Variants in CTNNA1 observed in about 807,000 individuals in gnomAD.
The protein encoded by CTNNA1 is catenin alpha 1, also known as catenin alpha-1.
Under a neutral mutation model 98.4 loss-of-function variants are expected in CTNNA1, and 37 were observed. The ratio of observed to expected loss-of-function variants is 0.38; its 90% CI spans 0.29 to 0.49. The LOEUF (loss-of-function observed/expected upper bound fraction) is 0.49, where lower values mean the gene tolerates loss of function less well. Ranked by LOEUF, CTNNA1 falls within the 20% of genes least tolerant of loss-of-function variation. CTNNA1 has a pLI of 0.95. For missense variants in CTNNA1, 761 were observed against 1,147.2 expected (o/e 0.66, Z 4.86); for synonymous variants, 404 against 413.2 (o/e 0.98, Z 0.27).
At position 138,934,196 on chromosome 5, in the gene CTNNA1, G is replaced by A; in HGVS notation, c.*107G>A. ...ACAACACTGATACTAGATTCCACAG[G>A]GAAATGGGCAGACTGAACCAGTCCA... On this transcript the variant is annotated 3_prime_UTR_variant, in exon 18 of 18. Transcript: ENST00000302763. 1 of 817,100 alleles carries A rather than the reference G, an allele frequency of 1.2e-6. No individual in the cohort carries two copies. Among genetic ancestry groups the A allele is most frequent in the South Asian group, 1.8e-5 (1 of 56,786 alleles). The allele number at this position is 817,100 out of a possible 1,614,324, so 50.6% of individuals were successfully genotyped here.
chr5:138,778,302 A>AT (rs1482323624), intron 1 of CTNNA1, among the ~76,000 whole-genome samples: 1 of 151,866 alleles, frequency 6.6e-6, no homozygotes, highest in East Asian at 1.9e-4. Context: ...CTGCTTTGAC[A>AT]TTTTTCAAGA....
intron 3 of CTNNA1, among the ~76,000 whole-genome samples, chr5:138,798,017 C>T (rs1294912035): frequency 2.6e-5 from 4 of 152,168 alleles, no homozygotes; most frequent in Admixed American, 2.6e-4. Context: ...AAGCTCCCCT[C>T]ATCCTTTACA....
At chr5:138,863,495 C>T (rs575406532) in intron 7 of CTNNA1, among the ~76,000 whole-genome samples, 5 of 152,290 alleles carry the variant, frequency 3.3e-5, no homozygotes, top group African/African-American at 1.2e-4. Context: ...GTCCTCCTGC[C>T]CCAGGCCCCC....
At position 138,796,558 on chromosome 5, in the gene CTNNA1, A is replaced by AGG. The variant is rs75515782; in HGVS notation, c.301+13186_301+13187insGG. On this transcript the variant is annotated intron_variant, in intron 3 of 17. Coordinates refer to ENST00000302763, the MANE Select transcript of CTNNA1 (RefSeq NM_001903.5). ...GACTCCGTCTCAAAAAAAAAAAAAA[A>AGG]AGTAGTAGGTATCTGAGAAGAAATA... Among the ~76,000 whole-genome samples, 6 of 144,294 alleles carry AGG rather than the reference A, an allele frequency of 4.2e-5. 1 individual carries two copies. 94.7% of individuals were successfully genotyped at this position (144,294 alleles called of 152,430 possible).
At chr5:138,889,511 AC>A (rs1754872589) in intron 9 of CTNNA1, among the ~76,000 whole-genome samples, 1 of 152,086 alleles carries the variant, frequency 6.6e-6, no homozygotes, top group Admixed American at 6.5e-5. Flanking sequence ...ACAGCCTAAT[AC>A]CCCACTGAAG....
intron 9 of CTNNA1, among the ~76,000 whole-genome samples, chr5:138,893,205 AGTGGAGGCT>A (rs1243510364): frequency 6.6e-6 from 1 of 152,090 alleles, no homozygotes; most frequent in African/African-American, 2.4e-5. Flanking sequence ...AGGGTAGAGC[AGTGGAGGCT>A]GTCATCATTC....
At chr5:138,773,377 TTC>T (rs1479673115) in intron 1 of CTNNA1, among the ~76,000 whole-genome samples, 1 of 152,238 alleles carries the variant, frequency 6.6e-6, no homozygotes, top group Non-Finnish European at 1.5e-5. Context: ...AGAACTGGTC[TTC>T]TGAGGGAAGA....
intron 13 of CTNNA1, among the ~76,000 whole-genome samples, chr5:138,925,833 G>C (rs1298475709): frequency 1.3e-5 from 2 of 152,204 alleles, no homozygotes; most frequent in Admixed American, 6.5e-5. Flanking sequence ...CAGGGTGTTG[G>C]GGGGAGGAGC....
rs1294924429 is a variant in CTNNA1, at chr5:138,934,702, T to G, written c.*613T>G. 1 of 152,754 alleles carries G rather than the reference T, an allele frequency of 6.5e-6. No homozygotes were observed. Among genetic ancestry groups the G allele is most frequent in the Admixed American group, 6.5e-5 (1 of 15,286 alleles). 9.5% of individuals were successfully genotyped at this position (152,754 alleles called of 1,614,324 possible). ...GCTGCAGGACATTAATAAAGTTGCT[T>G]TTTTAGGCTACAGTGTCTCGATGCC... On this transcript the variant is annotated 3_prime_UTR_variant, in exon 18 of 18. Transcript: ENST00000302763.
At chr5:138,762,529 A>C (rs1300739493) in intron 1 of CTNNA1, among the ~76,000 whole-genome samples, 1 of 152,072 alleles carries the variant, frequency 6.6e-6, no homozygotes, top group Non-Finnish European at 1.5e-5. Context: ...TCCATGTGGA[A>C]GTATGCCACA....
Position 138,886,282 on chromosome 5 carries a change from T to TG in CTNNA1, c.1134dup (p.Arg379AlafsTer2). ...AAAATGACCAAGAAGACCAGGGACT[T>TG]GCGTAGACAGGTAATCTGGATGAAA... On this transcript the variant is annotated frameshift_variant, in exon 8 of 18. Coordinates refer to ENST00000302763, the MANE Select transcript of CTNNA1 (RefSeq NM_001903.5). LOFTEE classifies it high-confidence loss of function. 6.2e-7 allele frequency: 1 copy of TG among 1,604,088 alleles called. No individual in the cohort carries two copies. Among genetic ancestry groups the TG allele is most frequent in the Non-Finnish European group, 8.5e-7 (1 of 1,176,786 alleles).
intron 9 of CTNNA1, among the ~76,000 whole-genome samples, chr5:138,891,900 C>G (rs538167520): frequency 6.6e-6 from 1 of 152,340 alleles, no homozygotes; most frequent in East Asian, 1.9e-4. Context: ...AAACCTGCCT[C>G]CCATTCTTTG....
At chr5:138,848,417 CTCT>C (rs1391623595) in intron 7 of CTNNA1, among the ~76,000 whole-genome samples, 1 of 152,074 alleles carries the variant, frequency 6.6e-6, no homozygotes, top group Non-Finnish European at 1.5e-5. Context: ...GTTTTTTTAG[CTCT>C]TCTGATTTCC....
intron 7 of CTNNA1, among the ~76,000 whole-genome samples, chr5:138,848,029 T>C (rs546605409): frequency 6.6e-6 from 1 of 152,354 alleles, no homozygotes; most frequent in East Asian, 1.9e-4. Context: ...GTCTTGCTTC[T>C]TGGGTAATAA....
chr5:138,832,387 C>T (rs1454315483), intron 7 of CTNNA1, among the ~76,000 whole-genome samples: 2 of 152,188 alleles, frequency 1.3e-5, no homozygotes, highest in Non-Finnish European at 2.9e-5. Context: ...TCAGAGATGA[C>T]TTCCAGGTTT....
chr5:138,771,674 T>C (rs1167601462), intron 1 of CTNNA1, among the ~76,000 whole-genome samples: 1 of 152,100 alleles, frequency 6.6e-6, no homozygotes, highest in Non-Finnish European at 1.5e-5. Context: ...AGTCAGAGTG[T>C]GTCTTAATTA....
chr5:138,828,473 A>G (rs900906680), intron 7 of CTNNA1, among the ~76,000 whole-genome samples: 2 of 151,812 alleles, frequency 1.3e-5, no homozygotes, highest in Non-Finnish European at 2.9e-5. Context: ...TATTCTGGTT[A>G]TTTAATGCTA....
intron 1 of CTNNA1, among the ~76,000 whole-genome samples, chr5:138,779,120 C>T (rs1031793293): frequency 1.3e-5 from 2 of 152,146 alleles, no homozygotes; most frequent in African/African-American, 4.8e-5. Context: ...CTCAGGTGAT[C>T]CACCCACTTT....
chr5:138,812,611 G>T (rs765985596), intron 5 of CTNNA1, among the ~76,000 whole-genome samples: 8 of 152,160 alleles, frequency 5.3e-5, no homozygotes, highest in Non-Finnish European at 1.0e-4. Flanking sequence ...TGAATTAGTG[G>T]TGCAGTTTTG....
Sources: allele counts gnomAD v4.1 joint callset (sites outside exome capture counted in the v4.1 genomes callset), GRCh38; gene constraint gnomAD v4.1.1; transcripts MANE v1.5; gene names NCBI Gene and HGNC (gene_info 2026-07-23, HGNC 2026-07-21).